Variants in PAFAH1B1 observed in about 807,000 individuals in gnomAD.
The protein encoded by PAFAH1B1 is platelet activating factor acetylhydrolase 1b regulatory subunit 1.
A neutral mutation model predicts 57.5 loss-of-function variants in PAFAH1B1; 2 were observed. The observed-to-expected ratio is 0.03, with a 90% CI of 0.01 to 0.11. The LOEUF is 0.11. PAFAH1B1 is among the 10% of genes least tolerant of loss of function. The pLI is 1.00. For missense variants in PAFAH1B1, 257 were observed against 512.0 expected (o/e 0.50, Z 4.81); for synonymous variants, 152 against 169.6 (o/e 0.90, Z 0.81).
chr17:2,599,971 C>CTTTTTTTT (rs34442256), intron 1 of PAFAH1B1, among the ~76,000 whole-genome samples: 8 of 82,794 alleles, frequency 9.7e-5, no homozygotes, highest in African/African-American at 2.0e-4. Flanking sequence ...CATTTTTAAC[C>CTTTTTTTT]TTTTTTTTTT....
At chr17:2,661,821 C>CGTG (rs1346033228) in intron 2 of PAFAH1B1, 1 of 151,970 alleles carries the variant, frequency 6.6e-6, no homozygotes. Context: ...ATTGGCCAGG[C>CGTG]GTGGTGGCTC....
chr17:2,613,042 TAAA>T (rs34932981), intron 1 of PAFAH1B1, among the ~76,000 whole-genome samples: 38,007 of 132,200 alleles, frequency 0.29, 5,219 homozygotes, highest in Middle Eastern at 0.36. Context: ...TAATAATTTG[TAAA>T]AAAAAAAAAA....
chr17:2,624,440 G>A (rs2068463523), intron 1 of PAFAH1B1, among the ~76,000 whole-genome samples: 1 of 152,148 alleles, frequency 6.6e-6, no homozygotes, highest in African/African-American at 2.4e-5. Context: ...AACAAGAAAA[G>A]GTTTAATTGG....
chr17:2,652,396 C>A (rs1193201052), intron 2 of PAFAH1B1, among the ~76,000 whole-genome samples: 2 of 152,362 alleles, frequency 1.3e-5, no homozygotes, highest in South Asian at 2.1e-4. Flanking sequence ...GCCTGGGCGG[C>A]AGAGCGAGAC....
intron 1 of PAFAH1B1, among the ~76,000 whole-genome samples, chr17:2,614,629 C>T (rs991977175): frequency 3.9e-5 from 6 of 151,980 alleles, no homozygotes; most frequent in African/African-American, 1.5e-4. Context: ...GGCGGGAGTG[C>T]AGTGGTGTCA....
intron 1 of PAFAH1B1, among the ~76,000 whole-genome samples, chr17:2,633,348 A>G (rs2151630941): frequency 6.6e-6 from 1 of 151,474 alleles, no homozygotes; most frequent in East Asian, 1.9e-4. Flanking sequence ...TTGTATTTTT[A>G]GTAGAGATGG....
chr17:2,614,031 T>TTG (rs2151617310), intron 1 of PAFAH1B1: 1 of 144,548 alleles, frequency 6.9e-6, no homozygotes, highest in African/African-American at 2.7e-5. Context: ...GTTTTTTTTT[T>TTG]TTTTTTTTTT....
chr17:2,629,161 TTC>T (rs1321651444), intron 1 of PAFAH1B1, among the ~76,000 whole-genome samples: 1 of 152,180 alleles, frequency 6.6e-6, no homozygotes, highest in Non-Finnish European at 1.5e-5. Context: ...TTGTTCCTCT[TTC>T]TCTAGTTCCT....
intron 8 of PAFAH1B1, among the ~76,000 whole-genome samples, chr17:2,674,710 A>T (rs1308783512): frequency 6.6e-6 from 1 of 152,254 alleles, no homozygotes; most frequent in Non-Finnish European, 1.5e-5. Context: ...CAGATGTGAT[A>T]GTATAAATGT....
chr17:2,616,378 G>T (rs1348234172), intron 1 of PAFAH1B1, among the ~76,000 whole-genome samples: 1 of 152,102 alleles, frequency 6.6e-6, no homozygotes, highest in East Asian at 1.9e-4. Flanking sequence ...GATGTTTGAG[G>T]AATTGGCTCA....
chr17:2,684,076 A>G lies in PAFAH1B1; in HGVS notation c.*2274A>G, dbSNP rs145571785. ...GGAGGAAACGATTACTCTGTAAACA[A>G]AGTTATCCTTACTTGGGAGATTGCC... is the stretch of plus-strand genomic sequence containing the variant. On this transcript the variant is annotated 3_prime_UTR_variant, in exon 11 of 11. Transcript: ENST00000397195. 2 of 152,764 alleles carry G rather than the reference A, an allele frequency of 1.3e-5. No homozygotes were observed. Among genetic ancestry groups the G allele is most frequent in the African/African-American group, 4.8e-5 (2 of 41,582 alleles). 9.5% of individuals were successfully genotyped at this position (152,764 alleles called of 1,614,324 possible).
chr17:2,665,382 A>G lies in PAFAH1B1; in HGVS notation c.43A>G (p.Ile15Val), dbSNP rs774411293. The change falls in exon 3 of 11, where the codon ATA becomes GTA. Residue 15 changes from isoleucine (I) to valine (V), a missense_variant. Transcript: ENST00000397195. ...QRQRDELNRA[I>V]ADYLRSNGYE... ...GAATTTTTCTTTCAGAAATCGAGCT[A>G]TAGCAGATTATCTTCGTTCAAATGG... 5.6e-6 allele frequency: 9 copies of G among 1,599,124 alleles called. No individual in the cohort carries two copies. The African/African-American group carries it at 9.4e-5, about 17-fold the overall frequency.
At chr17:2,639,848 G>A (rs546884330) in intron 2 of PAFAH1B1, 1 of 151,906 alleles carries the variant, frequency 6.6e-6, no homozygotes, top group East Asian at 1.9e-4. Context: ...CTCCTGCTTT[G>A]GCCTCCCAAA....
intron 10 of PAFAH1B1, 183 bp from the exon 11 acceptor site, chr17:2,681,546 G>C: frequency 1.7e-6 from 1 of 583,848 alleles, no homozygotes; most frequent in Non-Finnish European, 3.1e-6. Flanking sequence ...GCTCGCTGCA[G>C]CCTCGACTTC....
At chr17:2,663,391 G>GTTTTT (rs1288935586) in intron 2 of PAFAH1B1, among the ~76,000 whole-genome samples, 1 of 152,100 alleles carries the variant, frequency 6.6e-6, no homozygotes, top group African/African-American at 2.4e-5. Context: ...GTTTTGTTTT[G>GTTTTT]TTTGTTGTTT....
intron 5 of PAFAH1B1, 74 bp from the exon 6 acceptor site, chr17:2,670,089 C>A: frequency 8.0e-7 from 1 of 1,250,098 alleles, no homozygotes; most frequent in Non-Finnish European, 1.2e-6. Context: ...GCCAGACTGG[C>A]CTGCTGAGTG....
intron 1 of PAFAH1B1, among the ~76,000 whole-genome samples, chr17:2,613,068 T>G (rs1277147577): frequency 3.3e-5 from 5 of 149,386 alleles, no homozygotes; most frequent in Non-Finnish European, 5.9e-5. Context: ...AAAGGTGAAA[T>G]TCAAATTTTA....
chr17:2,676,106 G>T lies in PAFAH1B1; in HGVS notation c.901-399G>T, dbSNP rs188886313. 1.4e-4 allele frequency among the ~76,000 whole-genome samples: 21 copies of T among 152,354 alleles called. No homozygotes were observed. In the East Asian group the frequency reaches 3.9e-3, roughly 28 times the overall value. On this transcript the variant is annotated intron_variant, in intron 8 of 10. Coordinates refer to ENST00000397195, the MANE Select transcript of PAFAH1B1 (RefSeq NM_000430.4). ...AAAACAAATTGGGCTGGGCGCAGTGGCTCACGCCTGTAATTCCAGCACTTT... is the reference window on the plus strand; with the variant it reads ...AAAACAAATTGGGCTGGGCGCAGTGTCTCACGCCTGTAATTCCAGCACTTT...
intron 2 of PAFAH1B1, among the ~76,000 whole-genome samples, chr17:2,655,818 A>G (rs1016634445): frequency 6.6e-6 from 1 of 151,936 alleles, no homozygotes; most frequent in African/African-American, 2.4e-5. Flanking sequence ...AAGCAGTGCC[A>G]CAAATACAGG....
Sources: gnomAD v4.1 joint callset for allele counts (sites outside exome capture counted in the v4.1 genomes callset) on GRCh38, gnomAD v4.1.1 for gene constraint, MANE v1.5 for transcripts, NCBI Gene and HGNC (gene_info 2026-07-23, HGNC 2026-07-21) for gene names.